SLC25A13: variants seen among roughly 807,000 people sequenced by gnomAD.
The protein encoded by SLC25A13 is solute carrier family 25 member 13, also known as electrogenic aspartate/glutamate antiporter SLC25A13, mitochondrial.
SLC25A13 carries 70 observed loss-of-function variants against 85.5 expected under a neutral mutation model. The observed-to-expected ratio is 0.82, with a 90% confidence interval of 0.68 to 1.00. The LOEUF (loss-of-function observed/expected upper bound fraction) is 1.00, where lower values mean the gene tolerates loss of function less well. Among genes scored for constraint, SLC25A13 ranks in the 50% least tolerant of loss-of-function variants. The pLI is 0.00. For synonymous variants in SLC25A13, 259 were observed against 288.7 expected, an observed-to-expected ratio of 0.90 and a Z score of 1.04; for missense variants, 765 against 819.8, an observed-to-expected ratio of 0.93 and a Z score of 0.82.
chr7:96,209,039 T>C, intron 4 of SLC25A13, 62 bp from the exon 5 acceptor site: 1 of 1,510,836 alleles, frequency 6.6e-7, no homozygotes, highest in Non-Finnish European at 9.2e-7. Context: ...TGATAAAATC[T>C]GTTATTGAAT....
Position 96,225,633 on chromosome 7 carries a change from C to T in SLC25A13, c.328+9169G>A, listed in dbSNP as rs141468417. On this transcript the variant is annotated intron_variant, in intron 4 of 17. Transcript: ENST00000265631. ...AGTCCAGGCCTCTGTTATTCCCAGC[C>T]TCCACTGTTTGTGGCACTTCCAAAG... Among the ~76,000 whole-genome samples the T allele has an allele frequency of 9.7e-3, 1,480 of 152,246 alleles. 18 individuals carry two copies. The highest frequency in any genetic ancestry group is 0.033 in the African/African-American group (1,380 of 41,544).
At chr7:96,318,021 A>G (rs1485965900) in intron 1 of SLC25A13, among the ~76,000 whole-genome samples, 1 of 152,118 alleles carries the variant, frequency 6.6e-6, no homozygotes, top group Non-Finnish European at 1.5e-5. Flanking sequence ...TGGAAAGAAC[A>G]CAATACACAT....
intron 3 of SLC25A13, among the ~76,000 whole-genome samples, chr7:96,249,628 T>C (rs925300334): frequency 6.6e-6 from 1 of 152,190 alleles, no homozygotes; most frequent in Admixed American, 6.5e-5. Context: ...CCAAGTTCTA[T>C]GTCTAAAGGT....
chr7:96,204,552 A>G (rs557481344), intron 5 of SLC25A13, among the ~76,000 whole-genome samples: 1 of 152,336 alleles, frequency 6.6e-6, no homozygotes, highest in South Asian at 2.1e-4. Flanking sequence ...AACAAAAAAA[A>G]GAAAGAAAAG....
intron 3 of SLC25A13, among the ~76,000 whole-genome samples, chr7:96,244,746 C>T (rs1271014508): frequency 6.6e-6 from 1 of 152,176 alleles, no homozygotes; most frequent in Non-Finnish European, 1.5e-5. Flanking sequence ...TACTCTGGTT[C>T]AAATCTCGCT....
At chr7:96,233,266 A>G (rs1238281501) in intron 4 of SLC25A13, among the ~76,000 whole-genome samples, 4 of 152,190 alleles carry the variant, frequency 2.6e-5, no homozygotes, top group East Asian at 1.9e-4. Flanking sequence ...TATTATAACA[A>G]TGTCACCAAA....
At chr7:96,317,147 A>AT (rs761148935) in intron 1 of SLC25A13, among the ~76,000 whole-genome samples, 26 of 151,964 alleles carry the variant, frequency 1.7e-4, no homozygotes, top group Admixed American at 1.2e-3. Context: ...ATTGTTTCCT[A>AT]TTTTTAGTAG....
At chr7:96,159,064 T>C (rs1584389153) in intron 13 of SLC25A13, among the ~76,000 whole-genome samples, 1 of 152,286 alleles carries the variant, frequency 6.6e-6, no homozygotes, top group South Asian at 2.1e-4. Context: ...TGTTCACAAG[T>C]GCTGAAGACG....
intron 4 of SLC25A13, among the ~76,000 whole-genome samples, chr7:96,210,162 A>C (rs1795635586): frequency 6.6e-6 from 1 of 152,148 alleles, no homozygotes; most frequent in African/African-American, 2.4e-5. Context: ...CATTAGCATA[A>C]GGTTAGGTGT....
Position 96,131,896 on chromosome 7 carries a change from A to G in SLC25A13, c.1453-15T>C. ...GCTTTGGCACCCTGCACATTTGCAA[A>G]GGAAGAAAAACCACATGAAACACAT... On this transcript the variant is annotated splice_polypyrimidine_tract_variant and intron_variant, in intron 14 of 17. Coordinates refer to ENST00000265631, the MANE Select transcript of SLC25A13 (RefSeq NM_014251.3). The G allele has an allele frequency of 6.2e-7, 1 of 1,613,898 alleles. No individual in the cohort carries two copies. Among genetic ancestry groups the G allele is most frequent in the South Asian group, 1.1e-5 (1 of 91,062 alleles).
intron 14 of SLC25A13, among the ~76,000 whole-genome samples, chr7:96,139,542 A>T (rs1048611933): frequency 6.6e-6 from 1 of 152,204 alleles, no homozygotes; most frequent in Non-Finnish European, 1.5e-5. Context: ...AAATTTCTAA[A>T]AATCCTTCCT....
chr7:96,138,418 C>T (rs766250162), intron 14 of SLC25A13, among the ~76,000 whole-genome samples: 2 of 140,266 alleles, frequency 1.4e-5, no homozygotes, highest in Non-Finnish European at 3.1e-5. Context: ...TTTTTTGAAA[C>T]AGAGTCTTGC....
intron 13 of SLC25A13, among the ~76,000 whole-genome samples, chr7:96,169,436 G>T (rs548045871): frequency 7.0e-6 from 1 of 142,454 alleles, no homozygotes; most frequent in Non-Finnish European, 1.5e-5. Context: ...ATTTACATTC[G>T]CATGAACAAA....
Position 96,121,824 on chromosome 7 carries a change from A to C in SLC25A13, c.1750+15T>G, listed in dbSNP as rs1481706503. On this transcript the variant is annotated intron_variant, in intron 16 of 17. Transcript: ENST00000265631. ...TGATACCAAAGAGTTAGTTAAGAAC[A>C]CATTATTTCCATACCACCAGCTCCC... The C allele has an allele frequency of 1.9e-6, 3 of 1,614,220 alleles. No individual in the cohort carries two copies. Among genetic ancestry groups the C allele is most frequent in the Non-Finnish European group, 1.7e-6 (2 of 1,180,030 alleles).
intron 3 of SLC25A13, among the ~76,000 whole-genome samples, chr7:96,275,800 C>T (rs34271940): frequency 0.64 from 96,748 of 151,880 alleles, 31,165 homozygotes; most frequent in Non-Finnish European, 0.67. Context: ...GACGAGTTGA[C>T]GGGTGCAGCA....
intron 3 of SLC25A13, among the ~76,000 whole-genome samples, chr7:96,249,320 T>G (rs1414738568): frequency 6.6e-6 from 1 of 152,206 alleles, no homozygotes; most frequent in Non-Finnish European, 1.5e-5. Flanking sequence ...TGGCGCAAGA[T>G]CTGGTAAAGA....
chr7:96,171,307 T>G (rs185736241), intron 12 of SLC25A13, among the ~76,000 whole-genome samples, 165 bp downstream of exon 12: 35 of 152,304 alleles, frequency 2.3e-4, no homozygotes, highest in Admixed American at 2.0e-3. Context: ...GGATGTCCAC[T>G]GCTAAATGGA....
chr7:96,290,597 G>GA (rs756252652), intron 2 of SLC25A13, among the ~76,000 whole-genome samples: 3,516 of 96,370 alleles, frequency 0.036, 144 homozygotes, highest in African/African-American at 0.11. Flanking sequence ...CAAGCAAATG[G>GA]AAAAAAAAAA....
At chr7:96,284,378 T>C (rs965842204) in intron 2 of SLC25A13, among the ~76,000 whole-genome samples, 1 of 152,164 alleles carries the variant, frequency 6.6e-6, no homozygotes, top group African/African-American at 2.4e-5. Flanking sequence ...AAAACAGAAT[T>C]AACTGTTTTT....
Sources: gnomAD v4.1 joint callset for allele counts (sites outside exome capture counted in the v4.1 genomes callset) on GRCh38, gnomAD v4.1.1 for gene constraint, MANE v1.5 for transcripts, NCBI Gene and HGNC (gene_info 2026-07-23, HGNC 2026-07-21) for gene names.